BABAM2: variants seen among roughly 807,000 people sequenced by gnomAD.
The protein encoded by BABAM2 is BRISC and BRCA1-A complex member 2.
A neutral mutation model predicts 54.7 loss-of-function variants in BABAM2; 31 were observed. The ratio of observed to expected loss-of-function variants is 0.57; its 90% CI spans 0.43 to 0.77. BABAM2 has a LOEUF of 0.77. BABAM2 is among the 30% of genes least tolerant of loss of function. BABAM2 has a pLI of 0.00. For synonymous variants in BABAM2, 167 were observed against 162.9 expected (o/e 1.03, Z -0.19); for missense variants, 364 against 455.8 (o/e 0.80, Z 1.83).
At chr2:28,231,160 G>A (rs904358138) in intron 7 of BABAM2, among the ~76,000 whole-genome samples, 3 of 152,122 alleles carry the variant, frequency 2.0e-5, no homozygotes, top group Admixed American at 6.6e-5. Context: ...AGGTCTACAC[G>A]GCAGGGTTGT....
chr2:28,238,675 T>A (rs1682138876), intron 8 of BABAM2, among the ~76,000 whole-genome samples: 3 of 152,188 alleles, frequency 2.0e-5, no homozygotes, highest in African/African-American at 7.2e-5. Context: ...CCTGCAAAAC[T>A]GATCGGAGGA....
intron 6 of BABAM2, among the ~76,000 whole-genome samples, chr2:28,092,673 T>G (rs1666249013): frequency 6.6e-6 from 1 of 152,136 alleles, no homozygotes; most frequent in South Asian, 2.1e-4. Flanking sequence ...GTAGCATGAT[T>G]TTTAATTCTT....
At chr2:28,079,789 GAC>G (rs1558316382) in intron 6 of BABAM2, among the ~76,000 whole-genome samples, 1 of 152,108 alleles carries the variant, frequency 6.6e-6, no homozygotes. Flanking sequence ...CACTGATTGA[GAC>G]AGTGTCATAG....
intron 7 of BABAM2, among the ~76,000 whole-genome samples, chr2:28,212,707 A>T (rs1195150158): frequency 6.6e-6 from 1 of 152,144 alleles, no homozygotes; most frequent in Non-Finnish European, 1.5e-5. Context: ...TGGGCAAATG[A>T]TAGTAGTTCA....
chr2:28,112,197 C>CCCTCCCTCCCTTCCTT (rs1558347424), intron 6 of BABAM2, among the ~76,000 whole-genome samples: 1 of 25,498 alleles, frequency 3.9e-5, no homozygotes, highest in Non-Finnish European at 7.1e-5. Flanking sequence ...CTCCCTCCCT[C>CCCTCCCTCCCTTCCTT]CCTTCCTTCC....
intron 7 of BABAM2, among the ~76,000 whole-genome samples, chr2:28,152,539 G>C (rs566260185): frequency 2.0e-5 from 3 of 152,294 alleles, no homozygotes; most frequent in African/African-American, 7.2e-5. Context: ...CGGTTTTACT[G>C]TGAAGGTGTC....
chr2:28,015,434 G>C (rs1674728579), intron 4 of BABAM2, among the ~76,000 whole-genome samples: 1 of 152,072 alleles, frequency 6.6e-6, no homozygotes, highest in Admixed American at 6.5e-5. Context: ...TTCAATTTCT[G>C]TTGGTTTATC....
intron 11 of BABAM2, among the ~76,000 whole-genome samples, chr2:28,303,546 A>G (rs879505447): frequency 6.6e-6 from 1 of 152,194 alleles, no homozygotes; most frequent in Non-Finnish European, 1.5e-5. Flanking sequence ...ATAGGTTTGT[A>G]TACCAATATT....
intron 6 of BABAM2, among the ~76,000 whole-genome samples, chr2:28,092,749 CCTCT>C (rs70953901): frequency 3.3e-4 from 48 of 146,894 alleles, no homozygotes; most frequent in African/African-American, 8.2e-4. Flanking sequence ...TTCGTCTCTG[CCTCT>C]CTCTCTCTCT....
intron 6 of BABAM2, among the ~76,000 whole-genome samples, chr2:28,097,326 G>A (rs544749981): frequency 6.6e-6 from 1 of 152,186 alleles, no homozygotes; most frequent in Non-Finnish European, 1.5e-5. Context: ...GCTGGAAGGT[G>A]GGTGGGCATG....
intron 7 of BABAM2, among the ~76,000 whole-genome samples, chr2:28,141,391 G>A (rs904357021): frequency 6.6e-6 from 1 of 152,064 alleles, no homozygotes; most frequent in Non-Finnish European, 1.5e-5. Flanking sequence ...CAAGAATTCT[G>A]TTGTTCATAT....
intron 2 of BABAM2, among the ~76,000 whole-genome samples, chr2:27,923,310 T>C (rs547640030): frequency 2.0e-5 from 3 of 152,326 alleles, no homozygotes; most frequent in Admixed American, 6.5e-5. Context: ...AGAAAAGGGT[T>C]GTATTTAGCC....
intron 7 of BABAM2, among the ~76,000 whole-genome samples, chr2:28,166,244 GT>G (rs1673661350): frequency 6.6e-6 from 1 of 152,148 alleles, no homozygotes; most frequent in African/African-American, 2.4e-5. Context: ...CAAGGTTTAA[GT>G]TTTGTAAAGA....
At chr2:28,047,069 G>A (rs187058693) in intron 6 of BABAM2, among the ~76,000 whole-genome samples, 18 of 152,154 alleles carry the variant, frequency 1.2e-4, no homozygotes, top group African/African-American at 4.3e-4. Flanking sequence ...TTTCTTTTTC[G>A]CTAAGTAAAA....
intron 10 of BABAM2, among the ~76,000 whole-genome samples, chr2:28,280,192 G>A (rs1433109334): frequency 6.6e-6 from 1 of 151,700 alleles, no homozygotes; most frequent in African/African-American, 2.4e-5. Context: ...TCAAGCAGCT[G>A]GGACTACAGG....
At chr2:27,921,437 A>G (rs1558588036) in intron 2 of BABAM2, among the ~76,000 whole-genome samples, 1 of 152,202 alleles carries the variant, frequency 6.6e-6, no homozygotes, top group Non-Finnish European at 1.5e-5. Flanking sequence ...GCCACTAATT[A>G]TGATTTATAA....
intron 7 of BABAM2, chr2:28,134,296 G>GC (rs979019194): frequency 1.3e-5 from 2 of 151,382 alleles, no homozygotes; most frequent in African/African-American, 2.4e-5. Flanking sequence ...TAAACCAGTT[G>GC]CTTTTTTTTC....
chr2:27,928,403 G>A (rs1410473832), intron 2 of BABAM2, among the ~76,000 whole-genome samples: 2 of 152,260 alleles, frequency 1.3e-5, no homozygotes, highest in East Asian at 3.9e-4. Context: ...GCCTGCCTTG[G>A]CCTCCCAAAG....
At chr2:28,230,680 C>T (rs1020482572) in intron 7 of BABAM2, among the ~76,000 whole-genome samples, 25 of 149,170 alleles carry the variant, frequency 1.7e-4, no homozygotes, top group African/African-American at 5.2e-4. Flanking sequence ...GCCGTGATCA[C>T]GCCACCACAC....
Sources: gnomAD v4.1 joint callset for allele counts (sites outside exome capture counted in the v4.1 genomes callset) on GRCh38, gnomAD v4.1.1 for gene constraint, MANE v1.5 for transcripts, NCBI Gene and HGNC (gene_info 2026-07-23, HGNC 2026-07-21) for gene names.